CACNB4: variants seen among roughly 807,000 people sequenced by gnomAD.
CACNB4 encodes the protein calcium voltage-gated channel auxiliary subunit beta 4.
In CACNB4, 32 loss-of-function variants were observed where a neutral mutation model predicts 71.2. The ratio of observed to expected loss-of-function variants is 0.45; its 90% CI spans 0.34 to 0.60. The LOEUF is 0.60. CACNB4 is among the 20% of genes least tolerant of loss of function. CACNB4 has a pLI of 0.01. For synonymous variants in CACNB4, 231 were observed against 236.9 expected (o/e 0.97, Z 0.23); for missense variants, 464 against 647.9 (o/e 0.72, Z 3.08).
intron 2 of CACNB4, among the ~76,000 whole-genome samples, chr2:152,068,986 G>T (rs1385487049): frequency 6.6e-6 from 1 of 152,142 alleles, no homozygotes; most frequent in South Asian, 2.1e-4. Context: ...GTGACCTTTG[G>T]CTTTCTGGCC....
chr2:151,839,932 G>T (rs1382063300), intron 13 of CACNB4, among the ~76,000 whole-genome samples: 1 of 152,108 alleles, frequency 6.6e-6, no homozygotes, highest in African/African-American at 2.4e-5. Flanking sequence ...CTTTCCAAGG[G>T]TGTATACAAT....
intron 2 of CACNB4, among the ~76,000 whole-genome samples, chr2:151,896,280 C>T (rs149805649): frequency 1.8e-3 from 267 of 152,312 alleles, no homozygotes; most frequent in African/African-American, 6.2e-3. Context: ...TAGGTGATAT[C>T]GCCTTGTGCA....
chr2:152,054,489 T>C (rs566290245), intron 2 of CACNB4, among the ~76,000 whole-genome samples: 4 of 152,174 alleles, frequency 2.6e-5, no homozygotes, highest in Non-Finnish European at 5.9e-5. Context: ...TGATGACCAT[T>C]TGGGTTGTTT....
At chr2:151,870,789 G>T in intron 7 of CACNB4, 53 bp downstream of exon 7, 4 of 1,441,248 alleles carry the variant, frequency 2.8e-6, no homozygotes, top group African/African-American at 1.4e-5. Flanking sequence ...AGCATTGCAG[G>T]CATGTATATA....
At chr2:152,058,943 C>T (rs10803932) in intron 2 of CACNB4, among the ~76,000 whole-genome samples, 36,070 of 152,162 alleles carry the variant, frequency 0.24, 4,512 homozygotes, top group Middle Eastern at 0.4. Flanking sequence ...CTAAAAGGGG[C>T]GAAGGTACAG....
chr2:152,091,981 G>A (rs994509101), intron 2 of CACNB4, among the ~76,000 whole-genome samples: 1 of 152,198 alleles, frequency 6.6e-6, no homozygotes, highest in South Asian at 2.1e-4. Flanking sequence ...GATCTGAGAG[G>A]AATAAGCTCC....
intron 2 of CACNB4, among the ~76,000 whole-genome samples, chr2:152,013,318 C>G (rs903735235): frequency 6.6e-6 from 1 of 152,172 alleles, no homozygotes; most frequent in African/African-American, 2.4e-5. Flanking sequence ...ATGAGGATTA[C>G]ACAATTTCAA....
chr2:151,876,551 A>G lies in CACNB4; in HGVS notation c.396T>C (p.Tyr132=), dbSNP rs1368394570. ...GCCTTCCTATCCACCAATCATTGTT[A>G]TATTTCTGGAATTCAGAAATAAAAT... ...AKDFLHIKEK[Y]NNDWWIGRLV... The change falls in exon 5 of 14, where the codon TAT becomes TAC. Residue 132 remains tyrosine, a synonymous_variant. Transcript: ENST00000539935. 1.9e-6 allele frequency: 3 copies of G among 1,578,206 alleles called. No homozygotes were observed. The highest frequency in any genetic ancestry group is 2.3e-5 in the East Asian group (1 of 43,652).
chr2:151,914,920 G>A (rs150594909), intron 2 of CACNB4, among the ~76,000 whole-genome samples: 8 of 152,288 alleles, frequency 5.3e-5, no homozygotes, highest in African/African-American at 1.4e-4. Flanking sequence ...CCTGTATAGG[G>A]TGTCTGACAA....
In CACNB4 at chr2:151,887,938, A is replaced by C. The variant is rs2099849777; in HGVS notation, c.148-4568T>G. ...GCTGCCCTAGAGTTTTAGGATTTATATATTGTTCTTTTTTTAAAAAAATGG... is the reference window on the plus strand; with the variant it reads ...GCTGCCCTAGAGTTTTAGGATTTATCTATTGTTCTTTTTTTAAAAAAATGG... On this transcript the variant is annotated intron_variant, in intron 2 of 13. Transcript: ENST00000539935. 2.0e-5 allele frequency among the ~76,000 whole-genome samples: 3 copies of C among 152,246 alleles called. No individual in the cohort carries two copies. In the South Asian group the frequency reaches 6.2e-4, roughly 32 times the overall value.
chr2:151,881,123 C>A (rs747088470), intron 3 of CACNB4, among the ~76,000 whole-genome samples: 2 of 152,128 alleles, frequency 1.3e-5, no homozygotes, highest in Non-Finnish European at 1.5e-5. Context: ...AACCATTTTT[C>A]CTTTCCTGCA....
Position 152,055,179 on chromosome 2 carries a change from T to C in CACNB4, c.147+43151A>G, listed in dbSNP as rs1685660575. Among the ~76,000 whole-genome samples, 4 of 152,106 alleles carry C rather than the reference T, an allele frequency of 2.6e-5. No homozygotes were observed. The South Asian group carries it at 8.3e-4, about 32-fold the overall frequency. ...GGCACATGCCACCACACTTGGCTAA[T>C]TTTTGTATTTTTAGTAGAGACAGGG... On this transcript the variant is annotated intron_variant, in intron 2 of 13. Transcript: ENST00000539935.
At chr2:151,893,804 A>G (rs551170602) in intron 2 of CACNB4, among the ~76,000 whole-genome samples, 2 of 152,338 alleles carry the variant, frequency 1.3e-5, no homozygotes, top group South Asian at 4.1e-4. Flanking sequence ...AAAATGACAA[A>G]AAGAAAACAT....
chr2:152,053,522 A>AC (rs1553823336), intron 2 of CACNB4, among the ~76,000 whole-genome samples: 1 of 137,936 alleles, frequency 7.2e-6, no homozygotes, highest in Non-Finnish European at 1.5e-5. Flanking sequence ...TGCTCTAGGA[A>AC]TTTTTTTTTT....
chr2:151,998,203 T>G (rs1261422062), intron 2 of CACNB4, among the ~76,000 whole-genome samples: 1 of 151,568 alleles, frequency 6.6e-6, no homozygotes, highest in Non-Finnish European at 1.5e-5. Flanking sequence ...TGCACACCTG[T>G]AGTCCCAGCT....
At chr2:151,850,793 A>T (rs2099838875) in intron 12 of CACNB4, 1 of 152,206 alleles carries the variant, frequency 6.6e-6, no homozygotes, top group South Asian at 2.1e-4. Context: ...TGTTCACCTA[A>T]GTGTTTTCTC....
intron 2 of CACNB4, among the ~76,000 whole-genome samples, chr2:152,042,096 A>G (rs1228039633): frequency 6.6e-6 from 1 of 152,098 alleles, no homozygotes; most frequent in Non-Finnish European, 1.5e-5. Context: ...GGGAAACAAT[A>G]CTCTATCTCC....
Position 151,924,464 on chromosome 2 carries a change from AC to A in CACNB4, c.148-41095del, listed in dbSNP as rs1185104348. Among the ~76,000 whole-genome samples, 3 of 151,266 alleles carry A rather than the reference AC, an allele frequency of 2.0e-5. No individual in the cohort carries two copies. In the East Asian group the frequency reaches 5.8e-4, roughly 29 times the overall value. ...CTATATAATATAATTTGTATTATAT[AC>A]ATATAATAATATATGGAGGGATCTT... On this transcript the variant is annotated intron_variant, in intron 2 of 13. Transcript: ENST00000539935.
At chr2:151,911,024 C>T (rs2099856033) in intron 2 of CACNB4, among the ~76,000 whole-genome samples, 1 of 151,640 alleles carries the variant, frequency 6.6e-6, no homozygotes, top group Admixed American at 6.6e-5. Flanking sequence ...CATCCCTTGT[C>T]AGCTGTATTC....
Sources: allele counts gnomAD v4.1 joint callset (sites outside exome capture counted in the v4.1 genomes callset), GRCh38; gene constraint gnomAD v4.1.1; transcripts MANE v1.5; gene names NCBI Gene and HGNC (gene_info 2026-07-23, HGNC 2026-07-21).